Variants in ARHGAP22 observed in about 807,000 individuals in gnomAD.
The protein encoded by ARHGAP22 is Rho GTPase activating protein 22.
ARHGAP22 carries 48 observed loss-of-function variants against 59.1 expected under a neutral mutation model. The ratio of observed to expected loss-of-function variants is 0.81; its 90% CI spans 0.64 to 1.03. The LOEUF (loss-of-function observed/expected upper bound fraction) is 1.03. Ranked by LOEUF, ARHGAP22 falls within the 50% of genes least tolerant of loss-of-function variation. ARHGAP22 has a pLI of 0.00. For missense variants in ARHGAP22, 1,015 were observed against 958.7 expected, an observed-to-expected ratio of 1.06 and a Z score of -0.78; for synonymous variants, 445 against 416.4, an observed-to-expected ratio of 1.07 and a Z score of -0.84.
intron 1 of ARHGAP22, among the ~76,000 whole-genome samples, chr10:48,586,864 G>A (rs1428358789): frequency 6.6e-6 from 1 of 152,156 alleles, no homozygotes; most frequent in Non-Finnish European, 1.5e-5. Flanking sequence ...AAACTCAGTG[G>A]CATACAATCC....
chr10:48,611,648 T>A (rs3863273), intron 1 of ARHGAP22, among the ~76,000 whole-genome samples: 32,321 of 152,100 alleles, frequency 0.21, 4,203 homozygotes, highest in Admixed American at 0.3. Flanking sequence ...AGCTGCTTGT[T>A]GAACAGATAG....
At chr10:48,482,470 C>T (rs957311849) in intron 3 of ARHGAP22, among the ~76,000 whole-genome samples, 3 of 152,186 alleles carry the variant, frequency 2.0e-5, no homozygotes, top group Non-Finnish European at 4.4e-5. Context: ...ATGACACTGA[C>T]CAGAGCCTCA....
intron 3 of ARHGAP22, among the ~76,000 whole-genome samples, chr10:48,486,220 A>C (rs1257900941): frequency 6.6e-6 from 1 of 152,116 alleles, no homozygotes; most frequent in Non-Finnish European, 1.5e-5. Context: ...ATCTTACAAG[A>C]TTATACTTCC....
intron 3 of ARHGAP22, among the ~76,000 whole-genome samples, chr10:48,504,425 G>A: frequency 6.6e-6 from 1 of 152,182 alleles, no homozygotes; most frequent in East Asian, 1.9e-4. Flanking sequence ...CGCTCTCCTG[G>A]AGAACCAGCC....
In ARHGAP22 at chr10:48,451,080, G is replaced by T; in HGVS notation, c.1049C>A (p.Thr350Lys). ...GGTGGGCCCTTCCGGGACCGGTGCC[G>T]TGAAGAGCTGGCTGTGTTTGCGGAT... ...VLIRKHSQLF[T>K]APVPEGPTSP... The change falls in exon 9 of 10, where the codon ACG (threonine) becomes AAG (lysine). Residue 350 changes from threonine (T) to lysine (K), a missense_variant. Physicochemically the swap from Thr to Lys is moderately conservative, Grantham distance 78. Coordinates refer to ENST00000249601, the MANE Select transcript of ARHGAP22 (RefSeq NM_021226.4). The T allele has an allele frequency of 6.4e-7, 1 of 1,552,726 alleles. No homozygotes were observed. Among genetic ancestry groups the T allele is most frequent in the East Asian group, 2.4e-5 (1 of 40,992 alleles).
intron 3 of ARHGAP22, among the ~76,000 whole-genome samples, chr10:48,539,139 C>G (rs952400928): frequency 6.6e-6 from 1 of 152,058 alleles, no homozygotes; most frequent in Non-Finnish European, 1.5e-5. Flanking sequence ...AAAATGGGCA[C>G]AAAAATATGC....
At chr10:48,561,655 A>G (rs2057694012) in intron 2 of ARHGAP22, among the ~76,000 whole-genome samples, 1 of 152,248 alleles carries the variant, frequency 6.6e-6, no homozygotes, top group South Asian at 2.1e-4. Context: ...GTAACAATCC[A>G]ATTTAAATAA....
chr10:48,568,489 C>T (rs148773384), intron 2 of ARHGAP22, among the ~76,000 whole-genome samples: 12 of 152,348 alleles, frequency 7.9e-5, no homozygotes, highest in South Asian at 4.1e-4. Context: ...TGGCTGCCCA[C>T]GGCATTTGGT....
chr10:48,562,289 A>G (rs540717968), intron 2 of ARHGAP22, among the ~76,000 whole-genome samples: 1 of 42,308 alleles, frequency 2.4e-5, no homozygotes, highest in Non-Finnish European at 5.2e-5. Flanking sequence ...TTCCGCTCCT[A>G]CATATACCCA....
At chr10:48,527,043 A>G (rs2054389822) in intron 3 of ARHGAP22, among the ~76,000 whole-genome samples, 1 of 152,230 alleles carries the variant, frequency 6.6e-6, no homozygotes, top group Non-Finnish European at 1.5e-5. Context: ...AGGTTATCTC[A>G]GTTAACCACA....
intron 1 of ARHGAP22, among the ~76,000 whole-genome samples, chr10:48,651,077 C>A (rs1355836675): frequency 6.6e-6 from 1 of 152,200 alleles, no homozygotes; most frequent in Non-Finnish European, 1.5e-5. Context: ...AACCTGGTAG[C>A]ATATTACATT....
chr10:48,561,348 A>G (rs1421190009), intron 2 of ARHGAP22, among the ~76,000 whole-genome samples: 1 of 152,154 alleles, frequency 6.6e-6, no homozygotes, highest in Non-Finnish European at 1.5e-5. Context: ...CATATATAAA[A>G]ATATACTCAA....
At chr10:48,642,558 C>G (rs921491369) in intron 1 of ARHGAP22, among the ~76,000 whole-genome samples, 3 of 152,108 alleles carry the variant, frequency 2.0e-5, no homozygotes, top group Non-Finnish European at 4.4e-5. Context: ...AAACTGGATC[C>G]CTTCCTTACA....
intron 2 of ARHGAP22, among the ~76,000 whole-genome samples, chr10:48,572,206 A>G (rs1270498646): frequency 6.6e-6 from 1 of 152,232 alleles, no homozygotes; most frequent in Non-Finnish European, 1.5e-5. Context: ...CACTTAAGTC[A>G]TACACCTGTA....
At chr10:48,463,792 G>C (rs1365028008) in intron 4 of ARHGAP22, among the ~76,000 whole-genome samples, 1 of 152,172 alleles carries the variant, frequency 6.6e-6, no homozygotes, top group African/African-American at 2.4e-5. Flanking sequence ...GAACTGCCCA[G>C]AGCCACATGC....
chr10:48,520,190 C>T (rs2053675429), intron 3 of ARHGAP22, among the ~76,000 whole-genome samples: 1 of 152,156 alleles, frequency 6.6e-6, no homozygotes, highest in Non-Finnish European at 1.5e-5. Context: ...CAGACAGGCA[C>T]TGCAGAGCTT....
intron 3 of ARHGAP22, among the ~76,000 whole-genome samples, chr10:48,538,665 G>A (rs2055606214): frequency 6.6e-6 from 1 of 152,202 alleles, no homozygotes; most frequent in Non-Finnish European, 1.5e-5. Context: ...ATTTACACCT[G>A]GGAATGCACT....
chr10:48,454,067 C>T, intron 7 of ARHGAP22, 21 bp downstream of exon 7: 1 of 1,611,834 alleles, frequency 6.2e-7, no homozygotes, highest in South Asian at 1.1e-5. Flanking sequence ...AAGTGTGGTT[C>T]CCTCCTGCCA....
chr10:48,443,601 T>G (rs2045253779), downstream of ARHGAP22, among the ~76,000 whole-genome samples: 1 of 152,036 alleles, frequency 6.6e-6, no homozygotes, highest in Admixed American at 6.5e-5. Context: ...TCACAGCTGC[T>G]TAGCTAGGAA....
Sources: gnomAD v4.1 joint callset for allele counts (sites outside exome capture counted in the v4.1 genomes callset) on GRCh38, gnomAD v4.1.1 for gene constraint, MANE v1.5 for transcripts, NCBI Gene and HGNC (gene_info 2026-07-23, HGNC 2026-07-21) for gene names.